Variants in TTBK2 observed in about 807,000 individuals in gnomAD.
TTBK2 encodes tau tubulin kinase 2.
TTBK2 carries 28 observed loss-of-function variants against 110.8 expected under a neutral mutation model. The ratio of observed to expected loss-of-function variants is 0.25; its 90% CI spans 0.19 to 0.35. The LOEUF (loss-of-function observed/expected upper bound fraction) is 0.35, where lower values mean the gene tolerates loss of function less well. Ranked by LOEUF, TTBK2 falls within the 10% of genes least tolerant of loss-of-function variation. The pLI is 1.00. For synonymous variants in TTBK2, 532 were observed against 527.3 expected, an observed-to-expected ratio of 1.01 and a Z score of -0.12; for missense variants, 1,369 against 1,500.3, an observed-to-expected ratio of 0.91 and a Z score of 1.45.
intron 6 of TTBK2, among the ~76,000 whole-genome samples, chr15:42,826,307 G>A (rs936884297): frequency 6.6e-6 from 1 of 151,886 alleles, no homozygotes; most frequent in African/African-American, 2.4e-5. Flanking sequence ...CTTTAAAGAA[G>A]GAGACAGATC....
chr15:42,855,884 G>T (rs1264002384), intron 3 of TTBK2, among the ~76,000 whole-genome samples: 1 of 152,016 alleles, frequency 6.6e-6, no homozygotes, highest in Non-Finnish European at 1.5e-5. Flanking sequence ...GGGTTTCACC[G>T]TGTTAGCCAG....
chr15:42,755,120 A>AT (rs1462588255), intron 13 of TTBK2, among the ~76,000 whole-genome samples: 2 of 152,080 alleles, frequency 1.3e-5, no homozygotes, highest in Non-Finnish European at 2.9e-5. Flanking sequence ...TCTAATAAGA[A>AT]TGTCCTTCCT....
intron 14 of TTBK2, 22 bp from the exon 15 acceptor site, chr15:42,746,279 TATTTTA>T (rs746469770): frequency 5.8e-6 from 9 of 1,558,092 alleles, no homozygotes; most frequent in Non-Finnish European, 7.0e-6. Context: ...AGAGAAAATA[TATTTTA>T]ATTTTAATTC....
At position 42,817,973 on chromosome 15, in the gene TTBK2, C is replaced by T. The variant is rs148030133; in HGVS notation, c.538-876G>A. Reference sequence around the variant, plus strand: ...AAATACTGCTCCCCCATCTGTGGTGCCACTCTATTCTTTTACTCTGCTTTC... The same window carrying T: ...AAATACTGCTCCCCCATCTGTGGTGTCACTCTATTCTTTTACTCTGCTTTC... On this transcript the variant is annotated intron_variant, in intron 6 of 14. Coordinates refer to ENST00000267890, the MANE Select transcript of TTBK2 (RefSeq NM_173500.4). Among the ~76,000 whole-genome samples, 744 of 152,284 alleles carry T rather than the reference C, an allele frequency of 4.9e-3. 4 individuals carry two copies. Among genetic ancestry groups the T allele is most frequent in the African/African-American group, 0.017 (717 of 41,558 alleles).
At chr15:42,768,448 AAGC>A (rs1282040544) in intron 13 of TTBK2, among the ~76,000 whole-genome samples, 1 of 152,226 alleles carries the variant, frequency 6.6e-6, no homozygotes, top group East Asian at 1.9e-4. Flanking sequence ...CAAAAATCAC[AAGC>A]ATTCCTATAC....
intron 1 of TTBK2, among the ~76,000 whole-genome samples, chr15:42,887,669 A>T (rs955926050): frequency 3.3e-5 from 5 of 151,552 alleles, no homozygotes; most frequent in African/African-American, 7.3e-5. Context: ...AAACCCATAC[A>T]CTCTCCTATC....
intron 13 of TTBK2, among the ~76,000 whole-genome samples, chr15:42,763,194 T>TA (rs1567009148): frequency 7.4e-3 from 30 of 4,072 alleles, no homozygotes; most frequent in South Asian, 0.02. Flanking sequence ...ATATATATAT[T>TA]TTTTTTTTTT....
chr15:42,864,771 G>T (rs1309745007), intron 3 of TTBK2, among the ~76,000 whole-genome samples: 2 of 152,050 alleles, frequency 1.3e-5, no homozygotes, highest in Non-Finnish European at 2.9e-5. Context: ...AAGTAATATA[G>T]GGTAGAAACC....
chr15:42,754,958 A>C (rs1256918244), intron 13 of TTBK2, among the ~76,000 whole-genome samples: 1 of 138,216 alleles, frequency 7.2e-6, no homozygotes. Flanking sequence ...TGGTGAGCCG[A>C]GATTGTGCCA....
chr15:42,847,444 A>AT (rs1329492914), intron 3 of TTBK2, among the ~76,000 whole-genome samples: 3 of 152,108 alleles, frequency 2.0e-5, no homozygotes, highest in Non-Finnish European at 4.4e-5. Context: ...CAAATTATCA[A>AT]TTTTTTAATT....
intron 1 of TTBK2, among the ~76,000 whole-genome samples, chr15:42,907,292 T>C (rs2030460719): frequency 6.6e-6 from 1 of 152,048 alleles, no homozygotes; most frequent in African/African-American, 2.4e-5. Context: ...AAACTAAAAA[T>C]AGAACTTCCA....
intron 13 of TTBK2, among the ~76,000 whole-genome samples, chr15:42,759,050 T>A (rs1289167850): frequency 6.6e-6 from 1 of 152,222 alleles, no homozygotes; most frequent in Non-Finnish European, 1.5e-5. Flanking sequence ...ACTGCACCTG[T>A]CCAGCCCTTG....
chr15:42,765,849 T>C (rs1044545762), intron 13 of TTBK2, among the ~76,000 whole-genome samples: 2 of 151,826 alleles, frequency 1.3e-5, no homozygotes, highest in African/African-American at 4.8e-5. Context: ...AAGGAAAAAA[T>C]GTTAAGGGCA....
At chr15:42,799,222 T>C (rs79970160) in intron 9 of TTBK2, among the ~76,000 whole-genome samples, 1 of 151,742 alleles carries the variant, frequency 6.6e-6, no homozygotes. Flanking sequence ...ATGAAAAAAT[T>C]AGCCAGGTGT....
chr15:42,815,925 T>TATA (rs1167141366), intron 7 of TTBK2, among the ~76,000 whole-genome samples: 1 of 66,446 alleles, frequency 1.5e-5, no homozygotes, highest in African/African-American at 1.1e-4. Flanking sequence ...TATATATATA[T>TATA]TTAAAAATAT....
intron 1 of TTBK2, among the ~76,000 whole-genome samples, chr15:42,909,628 T>C (rs897481862): frequency 1.3e-5 from 2 of 151,934 alleles, no homozygotes; most frequent in African/African-American, 4.8e-5. Context: ...AAAACTACGC[T>C]AAAAAGAAAA....
intron 1 of TTBK2, among the ~76,000 whole-genome samples, chr15:42,883,498 A>G (rs936532334): frequency 1.3e-5 from 2 of 151,984 alleles, no homozygotes; most frequent in African/African-American, 4.8e-5. Flanking sequence ...TATTTATATA[A>G]CATTTAATAT....
chr15:42,801,035 G>A (rs766560701), intron 9 of TTBK2: 24 of 765,912 alleles, frequency 3.1e-5, no homozygotes, highest in Non-Finnish European at 5.0e-5. Context: ...TCATGACCAC[G>A]GCCCTGGAGG....
rs1017700372 is a variant in TTBK2, at chr15:42,745,929, T to C, written c.3601A>G (p.Arg1201Gly). 1.8e-5 allele frequency: 29 copies of C among 1,614,108 alleles called. No individual in the cohort carries two copies. Among genetic ancestry groups the C allele is most frequent in the Non-Finnish European group, 2.5e-5 (29 of 1,180,022 alleles). Reference protein sequence around the residue: ...PPSHSGSSSSRRSCQQEHCKP... With the variant: ...PPSHSGSSSSGRSCQQEHCKP... ...CAATGCTCCTGTTGGCAGGACCTCCTGGAGGAGGAAGATCCTGAGTGGCTG... is the reference window on the plus strand; with the variant it reads ...CAATGCTCCTGTTGGCAGGACCTCCCGGAGGAGGAAGATCCTGAGTGGCTG... Residue 1201 changes from arginine (R) to glycine (G), a missense_variant, in exon 15 of 15, where the codon AGG becomes GGG. Transcript: ENST00000267890.
Sources: gnomAD v4.1 joint callset for allele counts (sites outside exome capture counted in the v4.1 genomes callset) on GRCh38, gnomAD v4.1.1 for gene constraint, MANE v1.5 for transcripts, NCBI Gene and HGNC (gene_info 2026-07-23, HGNC 2026-07-21) for gene names.